The following MAP2K6 variants were observed in gnomAD, a reference collection of about 807,000 sequenced individuals.
The protein encoded by MAP2K6 is dual specificity mitogen-activated protein kinase kinase 6.
A neutral mutation model predicts 53.7 loss-of-function variants in MAP2K6; 16 were observed. The observed-to-expected ratio is 0.30, with a 90% CI of 0.20 to 0.45. The LOEUF is 0.45. MAP2K6 is among the 20% of genes least tolerant of loss of function. The pLI is 1.00. For missense variants in MAP2K6, 204 were observed against 411.9 expected (o/e 0.50, Z 4.37); for synonymous variants, 132 against 143.1 (o/e 0.92, Z 0.55).
chr17:69,424,266 A>G (rs1411765822), intron 1 of MAP2K6, among the ~76,000 whole-genome samples: 2 of 152,226 alleles, frequency 1.3e-5, no homozygotes, highest in Non-Finnish European at 2.9e-5. Flanking sequence ...TGAAAGCTAC[A>G]TGTAGACAGA....
chr17:69,527,327 CTG>C (rs1287657476), intron 10 of MAP2K6, among the ~76,000 whole-genome samples: 2 of 152,174 alleles, frequency 1.3e-5, no homozygotes, highest in Non-Finnish European at 1.5e-5. Context: ...TACTTGCTAA[CTG>C]TGGAGAAACT....
At chr17:69,425,461 C>T (rs917122258) in intron 1 of MAP2K6, among the ~76,000 whole-genome samples, 4 of 152,096 alleles carry the variant, frequency 2.6e-5, no homozygotes, top group Non-Finnish European at 5.9e-5. Context: ...TACAGGCGCC[C>T]ACCACCACAC....
rs1384961293 is a variant in MAP2K6, at chr17:69,520,227, T to A, written c.367-43T>A. 6.1e-6 allele frequency: 6 copies of A among 991,712 alleles called. 1 individual carries two copies. Among genetic ancestry groups the A allele is most frequent in the South Asian group, 5.7e-5 (4 of 70,664 alleles). The allele number at this position is 991,712 out of a possible 1,614,324, so 61.4% of individuals were successfully genotyped here. A position where few individuals can be genotyped will look rare whatever the true frequency, so the allele number is the denominator to read the frequency against. Reference sequence around the variant, plus strand: ...TTTTTTTTTTATTTTTATTTCTCCCTTTTTCATCCTTTTAAACAATTCCTG... The same window carrying A: ...TTTTTTTTTTATTTTTATTTCTCCCATTTTCATCCTTTTAAACAATTCCTG... On this transcript the variant is annotated intron_variant, in intron 5 of 11. Transcript: ENST00000590474.
At chr17:69,528,817 C>T (rs1339958335) in intron 10 of MAP2K6, among the ~76,000 whole-genome samples, 1 of 139,864 alleles carries the variant, frequency 7.1e-6, no homozygotes. Context: ...TGAGATTGCA[C>T]CACTGCACTC....
chr17:69,516,814 CAATAG>C, intron 2 of MAP2K6, 36 bp from the exon 3 acceptor site: 1 of 1,439,676 alleles, frequency 6.9e-7, no homozygotes, highest in Non-Finnish European at 9.7e-7. Flanking sequence ...ATAATTGACT[CAATAG>C]CTTATGTTTC....
chr17:69,525,359 G>A (rs183085593), intron 9 of MAP2K6, among the ~76,000 whole-genome samples: 137 of 152,270 alleles, frequency 9.0e-4, no homozygotes, highest in African/African-American at 2.9e-3. Flanking sequence ...GCTAATGTGC[G>A]TGAACCCTGA....
chr17:69,477,982 T>C (rs1421706307), intron 1 of MAP2K6, among the ~76,000 whole-genome samples: 3 of 152,066 alleles, frequency 2.0e-5, no homozygotes, highest in Non-Finnish European at 4.4e-5. Flanking sequence ...TGTGCATGTG[T>C]TACAGGGAGA....
rs766594109 is a variant in MAP2K6, at chr17:69,545,702, A to C, written c.*3949A>C. ...AATAGCAGTTTGCACAGTGTCCTGC[A>C]TATATCACTATATTTCCCTTAAAAA... On this transcript the variant is annotated 3_prime_UTR_variant, in exon 12 of 12. Transcript: ENST00000590474. The C allele has an allele frequency of 6.6e-6, 1 of 152,200 alleles. No homozygotes were observed. The highest frequency in any genetic ancestry group is 1.5e-5 in the Non-Finnish European group (1 of 68,056). The allele number at this position is 152,200 out of a possible 1,614,324, so 9.4% of individuals were successfully genotyped here.
At chr17:69,475,316 C>G (rs1380549447) in intron 1 of MAP2K6, among the ~76,000 whole-genome samples, 1 of 150,384 alleles carries the variant, frequency 6.6e-6, no homozygotes, top group Non-Finnish European at 1.5e-5. Context: ...CTACAGGCGC[C>G]CGCCAACACG....
intron 1 of MAP2K6, among the ~76,000 whole-genome samples, chr17:69,428,020 G>A (rs1567814461): frequency 6.6e-6 from 1 of 152,188 alleles, no homozygotes; most frequent in Non-Finnish European, 1.5e-5. Context: ...AGGACTAGCT[G>A]TCTCTGGATT....
At chr17:69,444,455 G>A (rs1906910727) in intron 1 of MAP2K6, among the ~76,000 whole-genome samples, 3 of 152,162 alleles carry the variant, frequency 2.0e-5, no homozygotes, top group Non-Finnish European at 4.4e-5. Flanking sequence ...CAGGGCCAGA[G>A]AACTAGAATC....
intron 1 of MAP2K6, among the ~76,000 whole-genome samples, chr17:69,498,776 G>T (rs1320652794): frequency 6.6e-6 from 1 of 152,086 alleles, no homozygotes; most frequent in African/African-American, 2.4e-5. Flanking sequence ...AGCTTTAATT[G>T]CTGGGTTTAA....
intron 1 of MAP2K6, among the ~76,000 whole-genome samples, chr17:69,458,473 G>A (rs1340140557): frequency 6.6e-6 from 1 of 152,202 alleles, no homozygotes; most frequent in Admixed American, 6.5e-5. Flanking sequence ...TCACCCTGAA[G>A]TATAAGGACC....
chr17:69,496,167 A>G (rs1418694084), intron 1 of MAP2K6, among the ~76,000 whole-genome samples: 1 of 151,988 alleles, frequency 6.6e-6, no homozygotes, highest in African/African-American at 2.4e-5. Context: ...CCATTTCCCA[A>G]TTAGCGGATG....
intron 1 of MAP2K6, among the ~76,000 whole-genome samples, chr17:69,487,337 C>A (rs1023692812): frequency 7.2e-5 from 11 of 152,110 alleles, no homozygotes; most frequent in African/African-American, 2.7e-4. Context: ...GAAGTAATAC[C>A]CCATGCAGCT....
In MAP2K6 at chr17:69,536,126, A is replaced by G; in HGVS notation, c.893A>G (p.Asn298Ser). The G allele has an allele frequency of 6.2e-7, 1 of 1,609,844 alleles. No homozygotes were observed. The highest frequency in any genetic ancestry group is 8.5e-7 in the Non-Finnish European group (1 of 1,176,928). The change falls in exon 11 of 12, where the codon AAT (asparagine) becomes AGT (serine). Residue 298 changes from asparagine (N) to serine (S), a missense_variant. Coordinates refer to ENST00000590474, the MANE Select transcript of MAP2K6 (RefSeq NM_002758.4). ...TTTTTTTCTTTAAGCTTAAAGAAGAATTCCAAAGAACGGCCTACATACCCA... is the reference window on the plus strand; with the variant it reads ...TTTTTTTCTTTAAGCTTAAAGAAGAGTTCCAAAGAACGGCCTACATACCCA... ...VDFTSQCLKK[N>S]SKERPTYPEL...
Position 69,445,351 on chromosome 17 carries a change from G to A in MAP2K6, c.16+30351G>A, listed in dbSNP as rs145280193. ...TTACTTCCTGACCTCAAAAGCAAAA[G>A]GGCTGGCTCAGCCTTAGCTAAGTCT... On this transcript the variant is annotated intron_variant, in intron 1 of 11. Coordinates refer to ENST00000590474, the MANE Select transcript of MAP2K6 (RefSeq NM_002758.4). 5.0e-3 allele frequency among the ~76,000 whole-genome samples: 765 copies of A among 152,300 alleles called. 9 individuals are homozygous for A. The highest frequency in any genetic ancestry group is 0.017 in the African/African-American group (721 of 41,554).
At chr17:69,532,211 A>G (rs903431845) in intron 10 of MAP2K6, among the ~76,000 whole-genome samples, 1 of 152,244 alleles carries the variant, frequency 6.6e-6, no homozygotes, top group Non-Finnish European at 1.5e-5. Context: ...GAAGGACAGT[A>G]AAAAGAGGCA....
chr17:69,515,853 T>C (rs977748385), intron 2 of MAP2K6, among the ~76,000 whole-genome samples: 7 of 152,230 alleles, frequency 4.6e-5, no homozygotes, highest in African/African-American at 1.4e-4. Flanking sequence ...GAAATTCTTA[T>C]GTTCTATGAA....
Sources: gnomAD v4.1 joint callset for allele counts (sites outside exome capture counted in the v4.1 genomes callset) on GRCh38, gnomAD v4.1.1 for gene constraint, MANE v1.5 for transcripts, NCBI Gene and HGNC (gene_info 2026-07-23, HGNC 2026-07-21) for gene names.